Variants in MSH3 observed in about 807,000 individuals in gnomAD.
MSH3 encodes the protein mutS homolog 3.
Under a neutral mutation model 123.3 loss-of-function variants are expected in MSH3, and 106 were observed. The ratio of observed to expected loss-of-function variants is 0.86; its 90% CI spans 0.73 to 1.01. The LOEUF (loss-of-function observed/expected upper bound fraction) is 1.01. Ranked by LOEUF, MSH3 falls within the 50% of genes least tolerant of loss-of-function variation. MSH3 has a pLI of 0.00. For missense variants in MSH3, 1,459 were observed against 1,347.6 expected, an observed-to-expected ratio of 1.08 and a Z score of -1.29; for synonymous variants, 515 against 481.4, an observed-to-expected ratio of 1.07 and a Z score of -0.91.
intron 17 of MSH3, among the ~76,000 whole-genome samples, chr5:80,784,543 C>T (rs921534248): frequency 1.3e-5 from 2 of 152,114 alleles, no homozygotes; most frequent in Non-Finnish European, 2.9e-5. Context: ...AGCAGTTATC[C>T]TTAGAGTTAC....
intron 19 of MSH3, among the ~76,000 whole-genome samples, chr5:80,806,499 C>G (rs941275149): frequency 1.3e-5 from 2 of 152,108 alleles, no homozygotes; most frequent in Admixed American, 1.3e-4. Context: ...ATCCTTTTCC[C>G]ATCAGTTTAT....
At chr5:80,813,508 C>G (rs1745044688) in intron 19 of MSH3, 76 bp from the exon 20 acceptor site, 3 of 1,458,058 alleles carry the variant, frequency 2.1e-6, no homozygotes, top group African/African-American at 2.8e-5. Flanking sequence ...TAATGCATTT[C>G]CACTTATGAG....
intron 15 of MSH3, 21 bp from the exon 16 acceptor site, chr5:80,775,673 G>A: frequency 1.5e-6 from 2 of 1,335,670 alleles, no homozygotes; most frequent in Non-Finnish European, 2.2e-6. Context: ...CTAAATCTCT[G>A]TTTATTTGTA....
chr5:80,790,217 G>A (rs1259451793), intron 18 of MSH3, among the ~76,000 whole-genome samples: 1 of 152,130 alleles, frequency 6.6e-6, no homozygotes, highest in African/African-American at 2.4e-5. Context: ...GAATTTGGAT[G>A]CAATCTAAAT....
At chr5:80,690,060 A>G (rs1179540324) in intron 8 of MSH3, among the ~76,000 whole-genome samples, 1 of 152,062 alleles carries the variant, frequency 6.6e-6, no homozygotes, top group Non-Finnish European at 1.5e-5. Flanking sequence ...CTACTCAGGC[A>G]TGCACCACCC....
rs1445579354 is a variant in MSH3, at chr5:80,654,691, C to G, written c.-37C>G. On this transcript the variant is annotated 5_prime_UTR_variant, in exon 1 of 24. Transcript: ENST00000265081. ...TGCGGCCGCGGGCTCGCGCTCCTCGCCAGGCCCTGCCGCCGGGCTGCCATC... is the reference window on the plus strand; with the variant it reads ...TGCGGCCGCGGGCTCGCGCTCCTCGGCAGGCCCTGCCGCCGGGCTGCCATC... 2 of 1,566,108 alleles carry G rather than the reference C, an allele frequency of 1.3e-6. No homozygotes were observed. The highest frequency in any genetic ancestry group is 2.8e-5 in the African/African-American group (2 of 71,000).
intron 8 of MSH3, among the ~76,000 whole-genome samples, chr5:80,708,230 A>G (rs2112842849): frequency 6.6e-6 from 1 of 152,198 alleles, no homozygotes; most frequent in African/African-American, 2.4e-5. Flanking sequence ...AACATCATGA[A>G]CATTTTCTCA....
intron 10 of MSH3, among the ~76,000 whole-genome samples, chr5:80,732,224 A>G (rs1011440500): frequency 6.6e-6 from 1 of 152,216 alleles, no homozygotes; most frequent in Non-Finnish European, 1.5e-5. Context: ...TGAAATTCAG[A>G]GGAATCCACT....
At chr5:80,768,543 A>G (rs1404325064) in intron 14 of MSH3, among the ~76,000 whole-genome samples, 1 of 152,186 alleles carries the variant, frequency 6.6e-6, no homozygotes, top group East Asian at 1.9e-4. Flanking sequence ...ATGTAAATGA[A>G]ATAGGATTTG....
chr5:80,855,094 TTGTTTG>T (rs1404009630), intron 21 of MSH3, among the ~76,000 whole-genome samples: 1 of 152,190 alleles, frequency 6.6e-6, no homozygotes, highest in Non-Finnish European at 1.5e-5. Flanking sequence ...GTGTAAAATT[TTGTTTG>T]TGTCAAACTT....
chr5:80,711,790 G>A (rs969031993), intron 8 of MSH3, among the ~76,000 whole-genome samples: 7 of 151,830 alleles, frequency 4.6e-5, no homozygotes, highest in African/African-American at 7.3e-5. Flanking sequence ...GAGTGGCTGG[G>A]ACTACAGGCC....
intron 17 of MSH3, among the ~76,000 whole-genome samples, chr5:80,784,564 A>G (rs1266251971): frequency 2.6e-5 from 4 of 152,178 alleles, no homozygotes; most frequent in Admixed American, 6.5e-5. Context: ...AAACAATCCA[A>G]TTACACTCTT....
Position 80,778,740 on chromosome 5 carries a change from T to G in MSH3, c.2339T>G (p.Phe780Cys). 6.2e-7 allele frequency: 1 copy of G among 1,611,390 alleles called. No homozygotes were observed. Among genetic ancestry groups the G allele is most frequent in the Non-Finnish European group, 8.5e-7 (1 of 1,177,464 alleles). The change falls in exon 17 of 24, where the codon TTT becomes TGT. Residue 780 changes from phenylalanine (F) to cysteine (C), a missense_variant. Phe to Cys is a radical substitution (Grantham distance 205). Transcript: ENST00000265081. ...KVGSTKAVSR[F>C]HSPFIVENYR... is the part of the protein sequence containing the mutation. ...TCTAGCACAAAAGCTGTGAGCCGCTTTCACTCTCCTTTTATTGTAGAAAAT... is the reference window on the plus strand; with the variant it reads ...TCTAGCACAAAAGCTGTGAGCCGCTGTCACTCTCCTTTTATTGTAGAAAAT...
At chr5:80,671,089 C>CTCTA (rs1037081055) in intron 4 of MSH3, among the ~76,000 whole-genome samples, 1 of 150,704 alleles carries the variant, frequency 6.6e-6, no homozygotes, top group Non-Finnish European at 1.5e-5. Flanking sequence ...TGCCATTGCA[C>CTCTA]TCTAGCCTGG....
chr5:80,715,211 C>T (rs1437316696), intron 8 of MSH3: 1 of 152,158 alleles, frequency 6.6e-6, no homozygotes, highest in Non-Finnish European at 1.5e-5. Flanking sequence ...TTCCTTTATT[C>T]AGCACTACTT....
At chr5:80,671,424 A>C (rs964911368) in intron 4 of MSH3, among the ~76,000 whole-genome samples, 1 of 152,218 alleles carries the variant, frequency 6.6e-6, no homozygotes, top group Non-Finnish European at 1.5e-5. Flanking sequence ...CAGCGTTCTC[A>C]AAGTCAGATG....
chr5:80,876,161 G>T lies in MSH3; in HGVS notation c.*299G>T. ...GAATATAATTCCCAAGCTTTTGGAG[G>T]GTGATATAAAAATTTACTTGATATT... On this transcript the variant is annotated 3_prime_UTR_variant, in exon 24 of 24. Transcript: ENST00000265081. The T allele has an allele frequency of 3.2e-6, 1 of 313,904 alleles. No individual in the cohort carries two copies. The allele number at this position is 313,904 out of a possible 1,614,324, so 19.4% of individuals were successfully genotyped here. A position where few individuals can be genotyped will look rare whatever the true frequency, so the allele number is the denominator to read the frequency against.
At chr5:80,783,573 A>C (rs1390777517) in intron 17 of MSH3, among the ~76,000 whole-genome samples, 4 of 152,072 alleles carry the variant, frequency 2.6e-5, no homozygotes, top group Admixed American at 2.6e-4. Context: ...TTGTTGTTTT[A>C]ACTGAAATGG....
chr5:80,721,434 A>G (rs1035288911), intron 8 of MSH3, among the ~76,000 whole-genome samples: 1 of 152,196 alleles, frequency 6.6e-6, no homozygotes, highest in Non-Finnish European at 1.5e-5. Context: ...CTATTATCAA[A>G]TATACAAACT....
Sources: gnomAD v4.1 joint callset for allele counts (sites outside exome capture counted in the v4.1 genomes callset) on GRCh38, gnomAD v4.1.1 for gene constraint, MANE v1.5 for transcripts, NCBI Gene and HGNC (gene_info 2026-07-23, HGNC 2026-07-21) for gene names.